TRIM14: variants seen among roughly 807,000 people sequenced by gnomAD.
The protein encoded by TRIM14 is tripartite motif containing 14, also known as tripartite motif-containing protein 14.
In TRIM14, 28 loss-of-function variants were observed where a neutral mutation model predicts 44.5. The observed-to-expected ratio is 0.63, with a 90% confidence interval of 0.47 to 0.86. The LOEUF is 0.86. TRIM14 is among the 40% of genes least tolerant of loss of function. TRIM14 has a pLI of 0.00. For synonymous variants in TRIM14, 299 were observed against 269.2 expected (o/e 1.11, Z -1.08); for missense variants, 607 against 611.1 (o/e 0.99, Z 0.07).
downstream of TRIM14, among the ~76,000 whole-genome samples, chr9:98,065,541 G>A (rs1440519058): frequency 8.8e-6 from 1 of 113,766 alleles, no homozygotes; most frequent in Non-Finnish European, 1.7e-5. Context: ...GTTTCACCAT[G>A]TTGGCCAGGC....
At chr9:98,069,680 A>G (rs1396139636) in exon 7 of TRIM14, 1 of 152,240 alleles carries the variant, frequency 6.6e-6, no homozygotes, top group Non-Finnish European at 1.5e-5. Flanking sequence ...TTCTGCTTCC[A>G]TGACATTCTG....
At chr9:98,075,150 TA>T (rs200760287) in intron 6 of TRIM14, 25,624 of 137,442 alleles carry the variant, frequency 0.19, 2,267 homozygotes, top group Admixed American at 0.24. Flanking sequence ...CACAGCAAAT[TA>T]AAAAAAAAAA....
At chr9:98,114,265 C>G (rs532856982) in intron 1 of TRIM14, among the ~76,000 whole-genome samples, 1 of 152,144 alleles carries the variant, frequency 6.6e-6, no homozygotes, top group Non-Finnish European at 1.5e-5. Flanking sequence ...GTGTGCCACA[C>G]AAATAACCAC....
In TRIM14 at chr9:98,087,578, C is replaced by A; in HGVS notation, c.1221G>T (p.Val407=). The change falls in exon 6 of 6, where the codon GTG becomes GTT. Residue 407 remains valine, a synonymous_variant. Transcript: ENST00000341469. The part of the protein sequence containing the change: ...YEAGVLAFYD[V]TGGMSHLHTF... Reference sequence around the variant, plus strand: ...TATGCAGGTGGCTCATGCCGCCCGTCACGTCGTAGAAGGCGAGGACGCCGG... The same window carrying A: ...TATGCAGGTGGCTCATGCCGCCCGTAACGTCGTAGAAGGCGAGGACGCCGG... 1 of 1,598,504 alleles carries A rather than the reference C, an allele frequency of 6.3e-7. No homozygotes were observed. The highest frequency in any genetic ancestry group is 8.5e-7 in the Non-Finnish European group (1 of 1,175,228).
chr9:98,102,547 G>A (rs1442666889), intron 2 of TRIM14, among the ~76,000 whole-genome samples: 2 of 152,142 alleles, frequency 1.3e-5, no homozygotes, highest in African/African-American at 4.8e-5. Flanking sequence ...GATGAACCTC[G>A]AAGACATCAT....
At chr9:98,055,178 C>G in the TRIM14 span, among the ~76,000 whole-genome samples, 2 of 152,180 alleles carry the variant, frequency 1.3e-5, no homozygotes, top group East Asian at 3.9e-4. Flanking sequence ...CACCACCATA[C>G]CTGGCTCATT....
At chr9:98,097,915 C>T (rs1275618159) in intron 3 of TRIM14, among the ~76,000 whole-genome samples, 3 of 152,320 alleles carry the variant, frequency 2.0e-5, no homozygotes, top group South Asian at 2.1e-4. Context: ...AAGCACAACA[C>T]CCATTATGCC....
the TRIM14 span, among the ~76,000 whole-genome samples, chr9:98,042,942 A>G: frequency 6.6e-6 from 1 of 151,908 alleles, no homozygotes; most frequent in Non-Finnish European, 1.5e-5. Flanking sequence ...CTTTTTTGAT[A>G]AAGTATTTGA....
chr9:98,091,389 C>T (rs1354045171), intron 5 of TRIM14, among the ~76,000 whole-genome samples: 2 of 151,960 alleles, frequency 1.3e-5, no homozygotes, highest in African/African-American at 2.4e-5. Flanking sequence ...CCCAAGAGGT[C>T]GAGGCTGCAG....
At position 98,087,877 on chromosome 9, in the gene TRIM14, G is replaced by GC. The variant is rs774542082; in HGVS notation, c.921dup (p.Leu308AlafsTer8). The GC allele has an allele frequency of 3.2e-6, 5 of 1,568,328 alleles. No individual in the cohort carries two copies. The South Asian group carries it at 5.7e-5, about 18-fold the overall frequency. On this transcript the variant is annotated frameshift_variant, in exon 6 of 6. Transcript: ENST00000341469. LOFTEE classifies it high-confidence loss of function. ...CAGTCACGAGCCAGCACTTGCCAGA[G>GC]CGCGTCGAACCGCAGCACGGGCACG... is the stretch of plus-strand genomic sequence containing the variant.
chr9:98,037,430 C>G, the TRIM14 span, among the ~76,000 whole-genome samples: 1 of 151,914 alleles, frequency 6.6e-6, no homozygotes, highest in Admixed American at 6.6e-5. Context: ...CTTGTGGGAG[C>G]CCAGAGATGG....
chr9:98,060,849 T>A, the TRIM14 span: 1 of 1,614,192 alleles, frequency 6.2e-7, no homozygotes, highest in Non-Finnish European at 8.5e-7. Flanking sequence ...CGGAAAGCCT[T>A]GGAGAGGCCA....
At chr9:98,114,497 C>A (rs372340620) in intron 1 of TRIM14, among the ~76,000 whole-genome samples, 56 of 152,234 alleles carry the variant, frequency 3.7e-4, no homozygotes, top group African/African-American at 1.3e-3. Context: ...CCACGCCTGG[C>A]TAATTTTTTT....
At chr9:98,048,064 CAAAAAA>C in the TRIM14 span, among the ~76,000 whole-genome samples, 25 of 107,564 alleles carry the variant, frequency 2.3e-4, no homozygotes, top group East Asian at 1.0e-3. Context: ...GACTCCTTCT[CAAAAAA>C]AAAAAAAAAA....
At chr9:98,112,913 A>T (rs570263608) in intron 1 of TRIM14, among the ~76,000 whole-genome samples, 1 of 151,868 alleles carries the variant, frequency 6.6e-6, no homozygotes, top group African/African-American at 2.4e-5. Context: ...CAGGAATTTG[A>T]GACCAGCCTG....
At position 98,095,431 on chromosome 9, in the gene TRIM14, G is replaced by T. The variant is rs1430304535; in HGVS notation, c.538-402C>A. Among the ~76,000 whole-genome samples the T allele has an allele frequency of 6.6e-6, 1 of 152,230 alleles. No individual in the cohort carries two copies. The highest frequency in any genetic ancestry group is 1.5e-5 in the Non-Finnish European group (1 of 68,034). Reference sequence around the variant, plus strand: ...ACGGGTCTGCCTTGGGTACAAAAAGGGTGAGAGGTCAGTCTCCCTGGGGAA... The same window carrying T: ...ACGGGTCTGCCTTGGGTACAAAAAGTGTGAGAGGTCAGTCTCCCTGGGGAA... On this transcript the variant is annotated intron_variant, in intron 3 of 5. Coordinates refer to ENST00000341469, the MANE Select transcript of TRIM14 (RefSeq NM_014788.4). This position sits in a 1 kb window ranked among gnomAD's most constrained non-coding sequence, Gnocchi z 4.1.
chr9:98,061,203 T>C, the TRIM14 span: 3 of 571,300 alleles, frequency 5.3e-6, no homozygotes, highest in East Asian at 6.0e-5. Flanking sequence ...CTGGCCGGGC[T>C]TGATGGCTCA....
the TRIM14 span, among the ~76,000 whole-genome samples, chr9:98,060,125 T>C: frequency 2.0e-5 from 3 of 152,216 alleles, no homozygotes; most frequent in Admixed American, 2.0e-4. Context: ...CAGTGCTGAG[T>C]TGACTATTCT....
chr9:98,064,499 G>A (rs187071020), downstream of TRIM14, among the ~76,000 whole-genome samples: 9 of 152,006 alleles, frequency 5.9e-5, no homozygotes, highest in East Asian at 7.8e-4. Flanking sequence ...TCAGTGATCC[G>A]CCTGCCTCGG....
Sources: gnomAD v4.1 joint callset for allele counts (sites outside exome capture counted in the v4.1 genomes callset) on GRCh38, gnomAD v4.1.1 for gene constraint, Gnocchi (gnomAD v3.1) non-coding constraint, MANE v1.5 for transcripts, NCBI Gene and HGNC (gene_info 2026-07-23, HGNC 2026-07-21) for gene names.